TMEM132E: variants seen among roughly 807,000 people sequenced by gnomAD.
TMEM132E encodes the protein transmembrane protein 132E.
TMEM132E carries 49 observed loss-of-function variants against 78.5 expected under a neutral mutation model. The ratio of observed to expected loss-of-function variants is 0.62; its 90% confidence interval spans 0.50 to 0.79. The LOEUF is 0.79. TMEM132E is among the 30% of genes least tolerant of loss of function. The pLI, the probability that TMEM132E is intolerant of heterozygous loss-of-function variation, is 0.00. For synonymous variants in TMEM132E, 715 were observed against 670.6 expected, an observed-to-expected ratio of 1.07 and a Z score of -1.02; for missense variants, 1,403 against 1,470.9, an observed-to-expected ratio of 0.95 and a Z score of 0.75.
chr17:34,615,205 T>A (rs1351842836), intron 1 of TMEM132E, among the ~76,000 whole-genome samples: 1 of 150,404 alleles, frequency 6.6e-6, no homozygotes, highest in Non-Finnish European at 1.5e-5. Context: ...CTTCTTGGGG[T>A]CTCATGGCCA....
chr17:34,599,007 A>G (rs528800682), intron 1 of TMEM132E, among the ~76,000 whole-genome samples: 4 of 152,348 alleles, frequency 2.6e-5, no homozygotes, highest in African/African-American at 9.6e-5. Flanking sequence ...ACACTTGCTC[A>G]TAGGAGCTGA....
At chr17:34,589,768 G>A (rs963908788) in intron 1 of TMEM132E, among the ~76,000 whole-genome samples, 4 of 152,122 alleles carry the variant, frequency 2.6e-5, no homozygotes, top group East Asian at 1.9e-4. Context: ...ACCGCATGAC[G>A]GCTGCAGCCC....
intron 1 of TMEM132E, among the ~76,000 whole-genome samples, chr17:34,584,322 C>A (rs868158705): frequency 6.6e-6 from 1 of 152,226 alleles, no homozygotes; most frequent in African/African-American, 2.4e-5. Flanking sequence ...TCTTACTTAA[C>A]CTTCAAAGCG....
rs1483451276 is a variant in TMEM132E at position 34,613,207 on chromosome 17, A to G, written c.68-12920A>G. Reference sequence around the variant, plus strand: ...CACACACACACACACCCACACACACACACACGCGCGCGCGCGCGCGTTCTT... The same window carrying G: ...CACACACACACACACCCACACACACGCACACGCGCGCGCGCGCGCGTTCTT... On this transcript the variant is annotated intron_variant, in intron 1 of 8. Coordinates refer to ENST00000631683, the MANE Select transcript of TMEM132E (RefSeq NM_001304438.2). 8.3e-3 allele frequency among the ~76,000 whole-genome samples: 686 copies of G among 82,914 alleles called. 7 individuals are homozygous for G. Among genetic ancestry groups the G allele is most frequent in the Non-Finnish European group, 8.2e-3 (299 of 36,294 alleles). 54.4% of individuals were successfully genotyped at this position (82,914 alleles called of 152,430 possible).
At chr17:34,631,548 T>C (rs564173951) in intron 5 of TMEM132E, among the ~76,000 whole-genome samples, 2 of 152,324 alleles carry the variant, frequency 1.3e-5, no homozygotes, top group African/African-American at 4.8e-5. Context: ...TTTGCCACAT[T>C]CTAAGTGGAA....
intron 1 of TMEM132E, among the ~76,000 whole-genome samples, chr17:34,612,709 C>T (rs1052346960): frequency 1.3e-5 from 2 of 152,116 alleles, no homozygotes; most frequent in East Asian, 3.8e-4. Context: ...GGGATCATAG[C>T]TCAGGGGATC....
intron 1 of TMEM132E, among the ~76,000 whole-genome samples, chr17:34,593,847 A>ATCTG (rs775784297): frequency 1.3e-5 from 2 of 152,190 alleles, no homozygotes; most frequent in African/African-American, 4.8e-5. Context: ...CACCAGCATG[A>ATCTG]TCTGTCCCTT....
chr17:34,582,192 G>A (rs1905513262), intron 1 of TMEM132E, among the ~76,000 whole-genome samples: 1 of 151,510 alleles, frequency 6.6e-6, no homozygotes, highest in South Asian at 2.1e-4. Flanking sequence ...CACGCTGAGG[G>A]GTGAGCCTCA....
Position 34,626,194 on chromosome 17 carries a change from C to A in TMEM132E, c.135C>A (p.Val45=). 1 of 1,568,560 alleles carries A rather than the reference C, an allele frequency of 6.4e-7. No individual in the cohort carries two copies. Among genetic ancestry groups the A allele is most frequent in the South Asian group, 1.2e-5 (1 of 85,760 alleles). The change falls in exon 2 of 9, where the codon GTC becomes GTA. Residue 45 remains valine, a synonymous_variant. Coordinates refer to ENST00000631683, the MANE Select transcript of TMEM132E (RefSeq NM_001304438.2). ...CGCAGGCCAGCCCGGTGCTGCCAGT[C>A]AGCTACCGCCTGTCGCACACGCGGC... is the stretch of plus-strand genomic sequence containing the variant. ...PGPQASPVLP[V]SYRLSHTRLA...
intron 1 of TMEM132E, among the ~76,000 whole-genome samples, chr17:34,591,759 A>G (rs11654085): frequency 0.62 from 94,989 of 152,154 alleles, 30,240 homozygotes; most frequent in African/African-American, 0.75. Flanking sequence ...TCAGAGAATC[A>G]TGGTGGGTCT....
chr17:34,615,187 G>A (rs1906736995), intron 1 of TMEM132E, among the ~76,000 whole-genome samples: 2 of 149,056 alleles, frequency 1.3e-5, no homozygotes, highest in Admixed American at 1.3e-4. Flanking sequence ...GGGCTGTCCT[G>A]GTGGCAGCTT....
intron 7 of TMEM132E, 99 bp downstream of exon 7, chr17:34,635,186 A>T: frequency 1.5e-6 from 2 of 1,340,196 alleles, no homozygotes; most frequent in Non-Finnish European, 2.0e-6. Context: ...ACTGGCCCCC[A>T]GAACACTCTT....
At chr17:34,592,420 G>A (rs371428144) in intron 1 of TMEM132E, among the ~76,000 whole-genome samples, 4 of 152,190 alleles carry the variant, frequency 2.6e-5, no homozygotes, top group East Asian at 1.9e-4. Flanking sequence ...CACACTGCCA[G>A]GACAGCACTG....
intron 5 of TMEM132E, among the ~76,000 whole-genome samples, chr17:34,630,624 A>G (rs1466813124): frequency 6.6e-6 from 1 of 152,184 alleles, no homozygotes; most frequent in Non-Finnish European, 1.5e-5. Context: ...GTGAACCCAG[A>G]GTGCAAGTGA....
At position 34,637,557 on chromosome 17, in the gene TMEM132E, C is replaced by A. The variant is rs766741472; in HGVS notation, c.2550C>A (p.Pro850=). Residue 850 remains proline (P), a synonymous_variant, in exon 9 of 9, where the codon CCC becomes CCA. Transcript: ENST00000631683. ...RGAGPPGSAL[P]APEAPGPGTA... ...CTGGCCCGCCGGGCTCTGCGCTACC[C>A]GCACCGGAGGCTCCAGGCCCGGGCA... The A allele has an allele frequency of 6.3e-7, 1 of 1,599,302 alleles. No individual in the cohort carries two copies. The highest frequency in any genetic ancestry group is 8.5e-7 in the Non-Finnish European group (1 of 1,175,238).
chr17:34,602,776 G>A (rs551456233), intron 1 of TMEM132E, among the ~76,000 whole-genome samples: 160 of 152,332 alleles, frequency 1.1e-3, no homozygotes, highest in Non-Finnish European at 1.4e-3. Context: ...TAGTGTCCAC[G>A]AAGGAGAGAA....
intron 1 of TMEM132E, among the ~76,000 whole-genome samples, chr17:34,600,586 A>G (rs1038676721): frequency 6.6e-6 from 1 of 151,964 alleles, no homozygotes; most frequent in Non-Finnish European, 1.5e-5. Flanking sequence ...ATTTATGGAG[A>G]TGGCAAAGTA....
At chr17:34,613,685 G>A (rs1303946614) in intron 1 of TMEM132E, among the ~76,000 whole-genome samples, 2 of 151,704 alleles carry the variant, frequency 1.3e-5, no homozygotes, top group Non-Finnish European at 2.9e-5. Context: ...CTTCTCCCTA[G>A]CTTCTGCACC....
chr17:34,592,585 GC>G (rs1905910535), intron 1 of TMEM132E, among the ~76,000 whole-genome samples: 1 of 152,166 alleles, frequency 6.6e-6, no homozygotes, highest in African/African-American at 2.4e-5. Flanking sequence ...TAGCAGGATG[GC>G]CAGGTAACCA....
Sources: allele counts gnomAD v4.1 joint callset (sites outside exome capture counted in the v4.1 genomes callset), GRCh38; gene constraint gnomAD v4.1.1; transcripts MANE v1.5; gene names NCBI Gene and HGNC (gene_info 2026-07-23, HGNC 2026-07-21).